Variants in RYR2 observed in about 807,000 individuals in gnomAD.
The protein encoded by RYR2 is ryanodine receptor 2, also known as cardiac muscle ryanodine receptor-calcium release channel.
Under a neutral mutation model 601.1 loss-of-function variants are expected in RYR2, and 227 were observed. The observed-to-expected ratio is 0.38, with a 90% confidence interval of 0.34 to 0.42. The LOEUF (loss-of-function observed/expected upper bound fraction) is 0.42, where lower values mean the gene tolerates loss of function less well. Among genes scored for constraint, RYR2 ranks in the 10% least tolerant of loss-of-function variants. The pLI is 1.00. For missense variants in RYR2, 4,646 were observed against 6,156.5 expected (o/e 0.75, Z 8.21); for synonymous variants, 2,223 against 2,175.1 (o/e 1.02, Z -0.61).
chr1:237,133,576 G>A (rs1672398979), intron 1 of RYR2, among the ~76,000 whole-genome samples: 2 of 152,130 alleles, frequency 1.3e-5, no homozygotes, highest in South Asian at 4.1e-4. Context: ...ATACTGTATG[G>A]TCAAGATTGG....
At chr1:237,733,538 C>A (rs1168408908) in intron 78 of RYR2, among the ~76,000 whole-genome samples, 167 bp from the exon 79 acceptor site, 3 of 152,136 alleles carry the variant, frequency 2.0e-5, no homozygotes, top group Non-Finnish European at 4.4e-5. Context: ...TTTCTGATTT[C>A]AGGATATTTC....
chr1:237,272,062 G>A (rs980029136), intron 2 of RYR2, among the ~76,000 whole-genome samples: 2 of 151,990 alleles, frequency 1.3e-5, no homozygotes, highest in African/African-American at 4.8e-5. Flanking sequence ...CCCAGGAAGC[G>A]AAGATTGCAG....
chr1:237,583,237 C>G (rs1020402726), intron 29 of RYR2, among the ~76,000 whole-genome samples: 1 of 151,954 alleles, frequency 6.6e-6, no homozygotes, highest in Non-Finnish European at 1.5e-5. Context: ...TGAAAAGTAT[C>G]TGTTCATGTT....
intron 2 of RYR2, among the ~76,000 whole-genome samples, chr1:237,303,474 AT>A (rs1258863895): frequency 6.6e-6 from 1 of 151,254 alleles, no homozygotes; most frequent in Non-Finnish European, 1.5e-5. Context: ...TAATTTTTGT[AT>A]TTTTAGTAGA....
intron 2 of RYR2, 98 bp downstream of exon 2, chr1:237,270,714 C>T: frequency 7.6e-7 from 1 of 1,310,332 alleles, no homozygotes; most frequent in Non-Finnish European, 1.1e-6. Context: ...GGAATACATA[C>T]TATATAAATG....
intron 62 of RYR2, 111 bp from the exon 63 acceptor site, chr1:237,687,343 GT>G (rs982048522): frequency 1.9e-5 from 11 of 578,738 alleles, no homozygotes; most frequent in South Asian, 6.1e-5. Flanking sequence ...TATATCAGCT[GT>G]TTTTTTTTCT....
intron 1 of RYR2, among the ~76,000 whole-genome samples, chr1:237,050,946 C>T (rs1035450937): frequency 1.3e-5 from 2 of 152,162 alleles, no homozygotes; most frequent in African/African-American, 4.8e-5. Context: ...AGAAACTTTA[C>T]ATGAGGAAAG....
chr1:237,672,485 C>T (rs909287883), intron 58 of RYR2, among the ~76,000 whole-genome samples: 3 of 152,138 alleles, frequency 2.0e-5, no homozygotes, highest in Non-Finnish European at 4.4e-5. Flanking sequence ...TTAACTGATA[C>T]ATAATTGTCT....
chr1:237,448,609 T>C (rs1193712538), intron 14 of RYR2, among the ~76,000 whole-genome samples: 1 of 152,100 alleles, frequency 6.6e-6, no homozygotes, highest in Non-Finnish European at 1.5e-5. Flanking sequence ...ATTGTGGATA[T>C]CTCTGTTTCT....
At chr1:237,052,382 T>C (rs1475372581) in intron 1 of RYR2, among the ~76,000 whole-genome samples, 5 of 151,974 alleles carry the variant, frequency 3.3e-5, no homozygotes, top group Non-Finnish European at 5.9e-5. Context: ...GTGAAGTAAA[T>C]GGTGGTAAAA....
intron 17 of RYR2, among the ~76,000 whole-genome samples, chr1:237,489,333 A>G (rs1300539998): frequency 6.6e-6 from 1 of 152,210 alleles, no homozygotes; most frequent in Non-Finnish European, 1.5e-5. Context: ...ACAATGAGAT[A>G]CCATCTCATA....
intron 80 of RYR2, among the ~76,000 whole-genome samples, chr1:237,750,251 A>G (rs1692433195): frequency 1.3e-5 from 2 of 152,282 alleles, no homozygotes; most frequent in African/African-American, 4.8e-5. Flanking sequence ...TATACATAAC[A>G]CAGTAAGCTG....
chr1:237,449,041 G>A (rs984280978), intron 14 of RYR2, among the ~76,000 whole-genome samples: 5 of 151,938 alleles, frequency 3.3e-5, no homozygotes, highest in African/African-American at 1.2e-4. Context: ...CTAGTAATAG[G>A]ATAAAGAGGA....
chr1:237,273,751 T>C (rs1689948782), intron 2 of RYR2, among the ~76,000 whole-genome samples: 1 of 151,204 alleles, frequency 6.6e-6, no homozygotes, highest in African/African-American at 2.4e-5. Flanking sequence ...AACTAAGAAA[T>C]AGTAATCAAA....
chr1:237,428,232 C>G (rs544655942), intron 12 of RYR2, among the ~76,000 whole-genome samples: 7 of 152,076 alleles, frequency 4.6e-5, no homozygotes, highest in Admixed American at 2.0e-4. Flanking sequence ...ACAATTTGAC[C>G]CAGCGATCCC....
intron 1 of RYR2, among the ~76,000 whole-genome samples, chr1:237,061,211 TTCTATCTATCTA>T (rs55747600): frequency 0.016 from 1,668 of 104,290 alleles, 48 homozygotes; most frequent in Non-Finnish European, 0.025. Flanking sequence ...AATACGGTTG[TTCTATCTATCTA>T]TCTATCTATC....
intron 12 of RYR2, among the ~76,000 whole-genome samples, chr1:237,439,054 T>A (rs1460953241): frequency 1.3e-5 from 2 of 152,204 alleles, no homozygotes; most frequent in East Asian, 3.9e-4. Flanking sequence ...TTTAGTAAGA[T>A]TATTACTTGC....
chr1:237,336,314 A>G (rs575338570), intron 3 of RYR2, among the ~76,000 whole-genome samples: 3 of 152,340 alleles, frequency 2.0e-5, no homozygotes, highest in African/African-American at 7.2e-5. Flanking sequence ...TTTAATAGAA[A>G]ATAATACTTG....
At chr1:237,048,007 G>A (rs1415394326) in intron 1 of RYR2, among the ~76,000 whole-genome samples, 1 of 152,124 alleles carries the variant, frequency 6.6e-6, no homozygotes, top group Non-Finnish European at 1.5e-5. Context: ...CCGTAGATTC[G>A]ACAGCCCTGG....
Sources: allele counts gnomAD v4.1 joint callset (sites outside exome capture counted in the v4.1 genomes callset), GRCh38; gene constraint gnomAD v4.1.1; transcripts MANE v1.5; gene names NCBI Gene and HGNC (gene_info 2026-07-23, HGNC 2026-07-21).